The following NRG3 variants were observed in gnomAD, a reference collection of about 807,000 sequenced individuals.
NRG3 encodes neuregulin 3.
In NRG3, 31 loss-of-function variants were observed where a neutral mutation model predicts 66.9. The ratio of observed to expected loss-of-function variants is 0.46; its 90% CI spans 0.35 to 0.63. The LOEUF (loss-of-function observed/expected upper bound fraction) is 0.63. Ranked by LOEUF, NRG3 falls within the 20% of genes least tolerant of loss-of-function variation. NRG3 has a pLI of 0.00. For missense variants in NRG3, 910 were observed against 878.9 expected, an observed-to-expected ratio of 1.04 and a Z score of -0.45; for synonymous variants, 393 against 359.4, an observed-to-expected ratio of 1.09 and a Z score of -1.06.
chr10:82,336,097 C>T (rs1399709528), intron 1 of NRG3, among the ~76,000 whole-genome samples: 1 of 152,068 alleles, frequency 6.6e-6, no homozygotes, highest in Non-Finnish European at 1.5e-5. Flanking sequence ...AGATTTGGGC[C>T]TGGGACCATA....
intron 2 of NRG3, among the ~76,000 whole-genome samples, chr10:82,686,492 G>C (rs943588362): frequency 1.3e-5 from 2 of 152,034 alleles, no homozygotes; most frequent in Non-Finnish European, 2.9e-5. Flanking sequence ...CCTGCCCCAT[G>C]TGCTATACTT....
intron 1 of NRG3, among the ~76,000 whole-genome samples, chr10:81,932,983 C>A (rs1025556738): frequency 1.3e-5 from 2 of 151,788 alleles, no homozygotes; most frequent in African/African-American, 4.8e-5. Context: ...ATGGTGGGCA[C>A]CTGTAATCCC....
intron 2 of NRG3, among the ~76,000 whole-genome samples, chr10:82,529,584 G>A (rs922171175): frequency 6.6e-6 from 1 of 152,168 alleles, no homozygotes; most frequent in Non-Finnish European, 1.5e-5. Flanking sequence ...CAAATAAACA[G>A]AAGTGCATGC....
At chr10:82,631,284 G>A (rs1182417945) in intron 2 of NRG3, among the ~76,000 whole-genome samples, 1 of 152,160 alleles carries the variant, frequency 6.6e-6, no homozygotes, top group African/African-American at 2.4e-5. Context: ...TTCCCCGGAT[G>A]AGGGAGAGCC....
chr10:82,654,085 C>A (rs1189297423), intron 2 of NRG3, among the ~76,000 whole-genome samples: 1 of 152,078 alleles, frequency 6.6e-6, no homozygotes, highest in Non-Finnish European at 1.5e-5. Context: ...TGAAATGGAG[C>A]TAGAAATACC....
At chr10:82,729,235 T>C (rs2057768754) in intron 2 of NRG3, among the ~76,000 whole-genome samples, 1 of 152,136 alleles carries the variant, frequency 6.6e-6, no homozygotes, top group Non-Finnish European at 1.5e-5. Context: ...TACTAAGAAA[T>C]CAGTAACAGT....
chr10:82,700,509 C>T (rs2055781140), intron 2 of NRG3, among the ~76,000 whole-genome samples: 2 of 152,124 alleles, frequency 1.3e-5, no homozygotes, highest in African/African-American at 4.8e-5. Context: ...TAGGTTTTGA[C>T]AGAGCCTGTT....
chr10:81,876,672 A>T (rs184628930), intron 1 of NRG3, among the ~76,000 whole-genome samples: 19 of 152,260 alleles, frequency 1.2e-4, no homozygotes, highest in African/African-American at 4.3e-4. Flanking sequence ...GTTGATGGAG[A>T]TAATGGTAGA....
At chr10:82,288,417 A>G (rs150780212) in intron 1 of NRG3, among the ~76,000 whole-genome samples, 12 of 152,224 alleles carry the variant, frequency 7.9e-5, no homozygotes, top group African/African-American at 2.9e-4. Context: ...TGGAAAAGAC[A>G]TTGTTTTTCC....
chr10:81,957,584 G>A (rs191506145), intron 1 of NRG3, among the ~76,000 whole-genome samples: 117 of 152,190 alleles, frequency 7.7e-4, no homozygotes, highest in African/African-American at 2.5e-3. Flanking sequence ...GTAATAGCAG[G>A]GACCTGGTCT....
intron 1 of NRG3, among the ~76,000 whole-genome samples, chr10:82,197,323 C>T (rs1196065877): frequency 6.6e-6 from 1 of 152,032 alleles, no homozygotes; most frequent in East Asian, 1.9e-4. Flanking sequence ...ACTTGATATG[C>T]CCAGAGGTTA....
At chr10:82,189,930 T>C (rs1312099416) in intron 1 of NRG3, among the ~76,000 whole-genome samples, 1 of 152,000 alleles carries the variant, frequency 6.6e-6, no homozygotes, top group Non-Finnish European at 1.5e-5. Flanking sequence ...ATCACTCAAC[T>C]CCAGCCTGGA....
At chr10:82,162,299 A>G (rs984305038) in intron 1 of NRG3, among the ~76,000 whole-genome samples, 5 of 152,110 alleles carry the variant, frequency 3.3e-5, no homozygotes, top group African/African-American at 1.2e-4. Flanking sequence ...TTTATACATA[A>G]AAGTGTCAAA....
At chr10:82,497,051 T>C (rs756617560) in intron 2 of NRG3, among the ~76,000 whole-genome samples, 12 of 152,182 alleles carry the variant, frequency 7.9e-5, no homozygotes, top group Non-Finnish European at 1.5e-4. Flanking sequence ...TTGAACTGAC[T>C]GCCAGTCATT....
chr10:82,853,467 T>C (rs926038825), intron 3 of NRG3, among the ~76,000 whole-genome samples: 6 of 152,220 alleles, frequency 3.9e-5, no homozygotes, highest in African/African-American at 1.2e-4. Context: ...TATGATTTCT[T>C]TCAGCAGTGT....
At position 82,461,682 on chromosome 10, in the gene NRG3, T is replaced by G. The variant is rs562593520; in HGVS notation, c.953+102814T>G. 3.2e-4 allele frequency among the ~76,000 whole-genome samples: 49 copies of G among 152,270 alleles called. No homozygotes were observed. The East Asian group carries it at 5.4e-3, about 17-fold the overall frequency. The stretch of plus-strand genomic sequence containing the variant: ...GTTACGTGAGAAAACAAGGAGAACT[T>G]TTACTCTATTTTGGCAACACCTGGC... On this transcript the variant is annotated intron_variant, in intron 2 of 8. Transcript: ENST00000372141.
intron 6 of NRG3, among the ~76,000 whole-genome samples, chr10:82,960,463 ATT>A (rs34802482): frequency 0.03 from 4,173 of 137,222 alleles, 108 homozygotes; most frequent in African/African-American, 0.067. Context: ...AAATGGCTGG[ATT>A]TTTTTTTTTT....
intron 1 of NRG3, among the ~76,000 whole-genome samples, chr10:81,979,187 CAAA>C (rs34468792): frequency 0.046 from 3,756 of 81,948 alleles, 128 homozygotes; most frequent in African/African-American, 0.12. Flanking sequence ...GACTCCGTCT[CAAA>C]AAAAAAAAAA....
intron 2 of NRG3, among the ~76,000 whole-genome samples, chr10:82,440,362 AT>A (rs5786552): frequency 1.7e-3 from 233 of 136,194 alleles, no homozygotes; most frequent in South Asian, 8.2e-3. Context: ...TGCCTGTTTG[AT>A]TTTTTTTTTT....
Sources: allele counts gnomAD v4.1 joint callset (sites outside exome capture counted in the v4.1 genomes callset), GRCh38; gene constraint gnomAD v4.1.1; transcripts MANE v1.5; gene names NCBI Gene and HGNC (gene_info 2026-07-23, HGNC 2026-07-21).